CCDC60: variants seen among roughly 807,000 people sequenced by gnomAD.
CCDC60 encodes coiled-coil domain-containing protein 60.
A neutral mutation model predicts 63.5 loss-of-function variants in CCDC60; 54 were observed. The observed-to-expected ratio is 0.85, with a 90% CI of 0.68 to 1.07. The LOEUF (loss-of-function observed/expected upper bound fraction) is 1.07, where lower values mean the gene tolerates loss of function less well. Ranked by LOEUF, CCDC60 falls within the 50% of genes least tolerant of loss-of-function variation. The probability of loss-of-function intolerance (pLI) is 0.00; values close to 1 mark genes in which losing one functional copy is unlikely to be tolerated. For synonymous variants in CCDC60, 206 were observed against 238.8 expected, an observed-to-expected ratio of 0.86 and a Z score of 1.27; for missense variants, 651 against 684.3, an observed-to-expected ratio of 0.95 and a Z score of 0.54.
At chr12:119,533,771 G>C (rs1280930942) in intron 13 of CCDC60, among the ~76,000 whole-genome samples, 9 of 152,102 alleles carry the variant, frequency 5.9e-5, no homozygotes, top group Admixed American at 5.9e-4. Context: ...CTGTTCCATT[G>C]GTCTATAAGT....
chr12:119,483,395 A>G (rs990549060), intron 4 of CCDC60, among the ~76,000 whole-genome samples: 1 of 152,226 alleles, frequency 6.6e-6, no homozygotes, highest in Non-Finnish European at 1.5e-5. Flanking sequence ...GTAGGGATCA[A>G]TTCAATCATG....
At chr12:119,498,419 G>A (rs1032342981) in intron 5 of CCDC60, among the ~76,000 whole-genome samples, 25 of 151,526 alleles carry the variant, frequency 1.6e-4, no homozygotes, top group African/African-American at 4.1e-4. Flanking sequence ...TGCAACCTCC[G>A]CCTCCCAGGT....
intron 7 of CCDC60, among the ~76,000 whole-genome samples, chr12:119,509,538 C>T (rs1026076563): frequency 6.6e-6 from 1 of 152,144 alleles, no homozygotes; most frequent in Admixed American, 6.5e-5. Context: ...GGTTTGTGTT[C>T]TCCAGTTTTC....
intron 2 of CCDC60, among the ~76,000 whole-genome samples, chr12:119,451,195 G>A (rs548193903): frequency 6.6e-6 from 1 of 152,342 alleles, no homozygotes; most frequent in South Asian, 2.1e-4. Context: ...TCCACAAGAT[G>A]TACATCTGCA....
chr12:119,475,366 G>A (rs751142966), intron 3 of CCDC60, among the ~76,000 whole-genome samples: 35 of 152,274 alleles, frequency 2.3e-4, no homozygotes, highest in Non-Finnish European at 2.1e-4. Context: ...ATCCATGGTC[G>A]TAGAACGCAA....
intron 2 of CCDC60, among the ~76,000 whole-genome samples, chr12:119,461,590 C>T (rs1277849150): frequency 1.3e-5 from 2 of 152,212 alleles, no homozygotes; most frequent in Non-Finnish European, 2.9e-5. Flanking sequence ...CCACCCTCTC[C>T]CATGCACTGG....
chr12:119,512,184 A>G (rs572251518), intron 7 of CCDC60, among the ~76,000 whole-genome samples: 10 of 152,344 alleles, frequency 6.6e-5, no homozygotes, highest in South Asian at 2.1e-4. Flanking sequence ...CCTTCCAGGT[A>G]TGGCTTTTGA....
intron 1 of CCDC60, among the ~76,000 whole-genome samples, chr12:119,424,497 T>C (rs1432758880): frequency 6.6e-6 from 1 of 152,214 alleles, no homozygotes; most frequent in East Asian, 1.9e-4. Context: ...ATAAATCTCT[T>C]CATCCTGGCG....
intron 1 of CCDC60, among the ~76,000 whole-genome samples, chr12:119,384,960 T>C (rs1207621316): frequency 6.6e-6 from 1 of 152,274 alleles, no homozygotes; most frequent in Non-Finnish European, 1.5e-5. Flanking sequence ...ATCCAGCCCT[T>C]GCTTCACTGG....
At chr12:119,382,669 G>A (rs921344925) in intron 1 of CCDC60, among the ~76,000 whole-genome samples, 6 of 152,218 alleles carry the variant, frequency 3.9e-5, no homozygotes, top group Non-Finnish European at 8.8e-5. Context: ...ACTGGGAGAT[G>A]AGGATGGAGA....
At chr12:119,501,472 T>G (rs948385348) in intron 6 of CCDC60, among the ~76,000 whole-genome samples, 1 of 152,228 alleles carries the variant, frequency 6.6e-6, no homozygotes, top group African/African-American at 2.4e-5. Flanking sequence ...TTATTAAACA[T>G]AGTTTATTAA....
At chr12:119,336,432 A>C (rs1955472745) in intron 1 of CCDC60, among the ~76,000 whole-genome samples, 1 of 152,212 alleles carries the variant, frequency 6.6e-6, no homozygotes, top group African/African-American at 2.4e-5. Context: ...AAATGATGGA[A>C]TAAATCAGCA....
intron 1 of CCDC60, among the ~76,000 whole-genome samples, chr12:119,414,213 T>C (rs1956658577): frequency 6.6e-6 from 1 of 152,094 alleles, no homozygotes. Flanking sequence ...GAGAGGGGAT[T>C]TCACCGTGTT....
chr12:119,368,738 C>T (rs1415168761), intron 1 of CCDC60, among the ~76,000 whole-genome samples: 1 of 152,176 alleles, frequency 6.6e-6, no homozygotes, highest in East Asian at 1.9e-4. Context: ...TGAATGTGCC[C>T]ACCTTGGGTT....
chr12:119,410,904 A>C lies in CCDC60; in HGVS notation c.91-17779A>C, dbSNP rs564766836. Reference sequence around the variant, plus strand: ...ACTACAGGCACGCACCACTACACTCAGCTAATTTTTGTATTTTTTTTTAGT... The same window carrying C: ...ACTACAGGCACGCACCACTACACTCCGCTAATTTTTGTATTTTTTTTTAGT... On this transcript the variant is annotated intron_variant, in intron 1 of 13. Transcript: ENST00000327554. This position sits in a 1 kb window ranked among gnomAD's most constrained non-coding sequence, Gnocchi z 4.0. Among the ~76,000 whole-genome samples the C allele has an allele frequency of 3.2e-5, 4 of 126,156 alleles. No homozygotes were observed. Among genetic ancestry groups the C allele is most frequent in the South Asian group, 3.0e-4 (1 of 3,378 alleles). The allele number at this position is 126,156 out of a possible 152,430, so 82.8% of individuals were successfully genotyped here.
intron 2 of CCDC60, among the ~76,000 whole-genome samples, chr12:119,453,060 C>T (rs1470770112): frequency 6.6e-6 from 1 of 152,216 alleles, no homozygotes; most frequent in Non-Finnish European, 1.5e-5. Context: ...CTCCTGATCT[C>T]AGGCAATCTG....
At chr12:119,349,197 A>G (rs1053220938) in intron 1 of CCDC60, among the ~76,000 whole-genome samples, 1 of 151,944 alleles carries the variant, frequency 6.6e-6, no homozygotes, top group Non-Finnish European at 1.5e-5. Context: ...ATATGCCCCC[A>G]CTCTCAAAAG....
At chr12:119,488,196 A>T (rs1951500809) in intron 4 of CCDC60, among the ~76,000 whole-genome samples, 1 of 152,206 alleles carries the variant, frequency 6.6e-6, no homozygotes. Context: ...ACCCAGCTAC[A>T]TTTTCAGGCA....
chr12:119,458,719 T>C (rs576697435), intron 2 of CCDC60, among the ~76,000 whole-genome samples: 14 of 152,108 alleles, frequency 9.2e-5, no homozygotes, highest in African/African-American at 2.7e-4. Flanking sequence ...GAATGTCCAA[T>C]AGAGAGATTT....
Sources: allele counts gnomAD v4.1 joint callset (sites outside exome capture counted in the v4.1 genomes callset), GRCh38; gene constraint gnomAD v4.1.1; non-coding constraint Gnocchi (gnomAD v3.1); transcripts MANE v1.5; gene names NCBI Gene and HGNC (gene_info 2026-07-23, HGNC 2026-07-21).